The following PLB1 variants were observed in gnomAD, a reference collection of about 807,000 sequenced individuals.
PLB1 encodes the protein phospholipase B1, membrane-associated.
PLB1 carries 242 observed loss-of-function variants against 227.4 expected under a neutral mutation model. The observed-to-expected ratio is 1.06, with a 90% CI of 0.96 to 1.18. PLB1 has a LOEUF of 1.18. Among genes scored for constraint, PLB1 ranks in the 50% most tolerant of loss-of-function variants. The probability of loss-of-function intolerance (pLI) is 0.00; values close to 1 mark genes in which losing one functional copy is unlikely to be tolerated. For missense variants in PLB1, 1,858 were observed against 1,816.3 expected, an observed-to-expected ratio of 1.02 and a Z score of -0.42; for synonymous variants, 757 against 682.2, an observed-to-expected ratio of 1.11 and a Z score of -1.71.
chr2:28,527,545 T>C (rs1178759520), intron 6 of PLB1, among the ~76,000 whole-genome samples: 1 of 152,180 alleles, frequency 6.6e-6, no homozygotes, highest in East Asian at 1.9e-4. Context: ...ATCTTTGAGA[T>C]CTCCAAACGT....
intron 43 of PLB1, among the ~76,000 whole-genome samples, chr2:28,610,388 C>A (rs1459699253): frequency 1.3e-5 from 2 of 151,966 alleles, no homozygotes; most frequent in African/African-American, 4.8e-5. Context: ...TGAGCTCAAG[C>A]AATCTTCCCA....
intron 28 of PLB1, 89 bp downstream of exon 28, chr2:28,589,859 C>A: frequency 7.1e-7 from 1 of 1,404,686 alleles, no homozygotes; most frequent in Non-Finnish European, 1.0e-6. Flanking sequence ...GCCCATCGTG[C>A]AGGCCATGTG....
chr2:28,545,804 C>G (rs182687543), intron 14 of PLB1, among the ~76,000 whole-genome samples: 1 of 152,184 alleles, frequency 6.6e-6, no homozygotes, highest in East Asian at 1.9e-4. Flanking sequence ...TCTACCCTCG[C>G]AGACACACAG....
At position 28,597,995 on chromosome 2, in the gene PLB1, C is replaced by A. The variant is rs766807808; in HGVS notation, c.2322-10C>A. 1 of 1,611,630 alleles carries A rather than the reference C, an allele frequency of 6.2e-7. No individual in the cohort carries two copies. The highest frequency in any genetic ancestry group is 8.5e-7 in the Non-Finnish European group (1 of 1,177,738). Reference sequence around the variant, plus strand: ...TCCCTCTCATTCACTGGCTTGCTCACTCCCTACAGTGCAGGAGGGGACGGC... The same window carrying A: ...TCCCTCTCATTCACTGGCTTGCTCAATCCCTACAGTGCAGGAGGGGACGGC... On this transcript the variant is annotated splice_polypyrimidine_tract_variant and intron_variant, in intron 33 of 57. Coordinates refer to ENST00000327757, the MANE Select transcript of PLB1 (RefSeq NM_153021.5).
At chr2:28,567,442 T>C (rs1677164736) in intron 20 of PLB1, among the ~76,000 whole-genome samples, 1 of 148,922 alleles carries the variant, frequency 6.7e-6, no homozygotes, top group Non-Finnish European at 1.5e-5. Flanking sequence ...TTACTTTCCA[T>C]CAACCTGCTC....
At chr2:28,548,437 C>T (rs1673639310) in intron 14 of PLB1, 1 of 391,958 alleles carries the variant, frequency 2.6e-6, no homozygotes, top group Non-Finnish European at 5.5e-6. Context: ...CCCACGTGAT[C>T]AGAAAGCTGT....
intron 9 of PLB1, among the ~76,000 whole-genome samples, chr2:28,534,863 T>TA (rs1014378426): frequency 0.011 from 927 of 86,186 alleles, 7 homozygotes; most frequent in African/African-American, 0.029. Context: ...CAAAAGAAAA[T>TA]AAAAAAAAAA....
At chr2:28,597,083 G>A (rs1006496718) in intron 33 of PLB1, among the ~76,000 whole-genome samples, 6 of 152,062 alleles carry the variant, frequency 3.9e-5, no homozygotes, top group African/African-American at 1.4e-4. Flanking sequence ...CTAACACGGT[G>A]GAACCCCATC....
At chr2:28,597,977 C>A (rs771728439) in intron 33 of PLB1, 28 bp from the exon 34 acceptor site, 1 of 1,603,614 alleles carries the variant, frequency 6.2e-7, no homozygotes. Flanking sequence ...CTCTCCCTCT[C>A]ATTCACTGGC....
intron 57 of PLB1, among the ~76,000 whole-genome samples, chr2:28,642,387 C>T (rs986634146): frequency 1.3e-5 from 2 of 152,224 alleles, no homozygotes; most frequent in Non-Finnish European, 2.9e-5. Flanking sequence ...CGCACACGAT[C>T]TGCCCACATG....
At chr2:28,595,982 G>A (rs953340888) in intron 33 of PLB1, 5 of 152,190 alleles carry the variant, frequency 3.3e-5, no homozygotes, top group Non-Finnish European at 7.3e-5. Context: ...GGTCTTGAGA[G>A]CATTGCCTTT....
chr2:28,642,764 G>A (rs757901904), intron 57 of PLB1, 94 bp from the exon 58 acceptor site: 26 of 1,090,424 alleles, frequency 2.4e-5, no homozygotes, highest in Admixed American at 1.6e-4. Context: ...CAGGGTTATC[G>A]CAGCATCTCA....
At chr2:28,569,760 A>T (rs1677680663) in intron 20 of PLB1, among the ~76,000 whole-genome samples, 1 of 151,786 alleles carries the variant, frequency 6.6e-6, no homozygotes, top group Non-Finnish European at 1.5e-5. Flanking sequence ...GGTCCAGGAG[A>T]TCGAGACCAT....
intron 16 of PLB1, among the ~76,000 whole-genome samples, chr2:28,551,864 T>C (rs918337466): frequency 1.3e-5 from 2 of 152,238 alleles, no homozygotes; most frequent in Non-Finnish European, 2.9e-5. Context: ...AATGCAGTGA[T>C]ACATTTCTTC....
At position 28,529,753 on chromosome 2, in the gene PLB1, C is replaced by G; in HGVS notation, c.442C>G (p.Leu148Val). The G allele has an allele frequency of 6.2e-7, 1 of 1,614,156 alleles. No individual in the cohort carries two copies. The highest frequency in any genetic ancestry group is 8.5e-7 in the Non-Finnish European group (1 of 1,180,030). Residue 148 changes from leucine to valine, a missense_variant, in exon 8 of 58, where the codon CTG becomes GTG. Leu to Val is a conservative substitution (Grantham distance 32). Transcript: ENST00000327757. ...AEDLWIQAQE[L>V]VRNMKENLQL... ...AGACTTGTGGATTCAGGCTCAAGAA[C>G]TGGTGAGAAACATGAAAGAGAACCT...
At chr2:28,591,274 C>T (rs528300666) in intron 30 of PLB1, 103 bp downstream of exon 30, 1 of 1,456,880 alleles carries the variant, frequency 6.9e-7, no homozygotes, top group Non-Finnish European at 9.6e-7. Context: ...GGCAAGAGTT[C>T]TAGATGGGCA....
chr2:28,538,457 G>A, intron 10 of PLB1, 76 bp downstream of exon 10: 2 of 1,367,554 alleles, frequency 1.5e-6, no homozygotes, highest in Non-Finnish European at 2.0e-6. Flanking sequence ...CCGGGGTGGG[G>A]AAATGGACCC....
intron 5 of PLB1, 131 bp downstream of exon 5, chr2:28,525,438 A>G: frequency 2.9e-6 from 3 of 1,019,806 alleles, no homozygotes; most frequent in Non-Finnish European, 4.3e-6. Context: ...CCCTCTGAGA[A>G]GGTAGCAGAG....
chr2:28,582,530 TCTA>T, intron 25 of PLB1, 25 bp downstream of exon 25: 1 of 1,550,782 alleles, frequency 6.4e-7, no homozygotes, highest in Non-Finnish European at 8.8e-7. Context: ...TCTCCCCGAT[TCTA>T]CTAAGAATCC....
Sources: allele counts gnomAD v4.1 joint callset (sites outside exome capture counted in the v4.1 genomes callset), GRCh38; gene constraint gnomAD v4.1.1; transcripts MANE v1.5; gene names NCBI Gene and HGNC (gene_info 2026-07-23, HGNC 2026-07-21).